The following CRACDL variants were observed in gnomAD, a reference collection of about 807,000 sequenced individuals.
CRACDL encodes the protein CRACD-like protein.
CRACDL carries 26 observed loss-of-function variants against 70.6 expected under a neutral mutation model. That is an observed-to-expected ratio of 0.37 (90% confidence interval 0.27 to 0.51). CRACDL has a LOEUF of 0.51. CRACDL is among the 20% of genes least tolerant of loss of function. The pLI is 0.94. For missense variants in CRACDL, 1,283 were observed against 1,376.9 expected (o/e 0.93, Z 1.08); for synonymous variants, 618 against 615.2 (o/e 1.00, Z -0.07).
intron 2 of CRACDL, among the ~76,000 whole-genome samples, chr2:98,843,753 G>C (rs1259028101): frequency 1.3e-5 from 2 of 152,110 alleles, no homozygotes; most frequent in Non-Finnish European, 2.9e-5. Context: ...ATACTGTCTT[G>C]ATTACTGCAG....
chr2:98,829,025 T>C (rs1169846257), intron 5 of CRACDL, among the ~76,000 whole-genome samples: 1 of 152,260 alleles, frequency 6.6e-6, no homozygotes, highest in Non-Finnish European at 1.5e-5. Context: ...TATAAACATT[T>C]GGTTAAAAAG....
intron 1 of CRACDL, among the ~76,000 whole-genome samples, chr2:98,906,260 CTTTT>C (rs200373942): frequency 2.9e-5 from 4 of 139,158 alleles, no homozygotes; most frequent in Admixed American, 7.2e-5. Flanking sequence ...TTTTCTTTTC[CTTTT>C]TTTTTTTTTT....
chr2:98,827,185 A>G lies in CRACDL; in HGVS notation c.541-16T>C. Reference sequence around the variant, plus strand: ...CGACAGAGACCTTCGTGGGACAAGGAACAAACACACGGAGCATGAACTTCA... The same window carrying G: ...CGACAGAGACCTTCGTGGGACAAGGGACAAACACACGGAGCATGAACTTCA... On this transcript the variant is annotated splice_polypyrimidine_tract_variant and intron_variant, in intron 5 of 9. Coordinates refer to ENST00000397899, the MANE Select transcript of CRACDL (RefSeq NM_207362.3). 6.3e-7 allele frequency: 1 copy of G among 1,595,966 alleles called. No individual in the cohort carries two copies. Among genetic ancestry groups the G allele is most frequent in the Non-Finnish European group, 8.6e-7 (1 of 1,164,226 alleles).
chr2:98,840,668 T>C (rs1348981674), intron 2 of CRACDL: 1 of 152,158 alleles, frequency 6.6e-6, no homozygotes, highest in Non-Finnish European at 1.5e-5. Context: ...ACTTTATTTG[T>C]TGGGGAGGTT....
chr2:98,797,276 A>G (rs1407921710), intron 8 of CRACDL, 74 bp downstream of exon 8: 10 of 1,428,398 alleles, frequency 7.0e-6, no homozygotes, highest in Admixed American at 1.8e-5. Flanking sequence ...TGTGGTCCTT[A>G]CAGGGTCCTC....
chr2:98,828,169 C>A (rs1292337880), intron 5 of CRACDL, among the ~76,000 whole-genome samples: 1 of 152,326 alleles, frequency 6.6e-6, no homozygotes, highest in East Asian at 1.9e-4. Flanking sequence ...AGCTCCACCA[C>A]TGAGTGAGGT....
chr2:98,892,713 AT>A (rs923123245), intron 1 of CRACDL, among the ~76,000 whole-genome samples: 13 of 152,022 alleles, frequency 8.6e-5, no homozygotes, highest in African/African-American at 2.9e-4. Flanking sequence ...ATAAAATAAA[AT>A]TTTTTTAAAA....
chr2:98,867,882 G>A (rs1707206611), intron 1 of CRACDL, among the ~76,000 whole-genome samples: 1 of 152,178 alleles, frequency 6.6e-6, no homozygotes, highest in Non-Finnish European at 1.5e-5. Flanking sequence ...CCAAAATACT[G>A]CTTCATTTAT....
rs151145199 is a variant in CRACDL at position 98,808,499 on chromosome 2, C to T, written c.2417-10962G>A. Among the ~76,000 whole-genome samples, 8 of 152,248 alleles carry T rather than the reference C, an allele frequency of 5.3e-5. No homozygotes were observed. In the South Asian group the frequency reaches 1.2e-3, roughly 24 times the overall value. ...TATGTTGTCCCCTTTCTGGGGACAACAGTGCCCAGCTGACCAGATGACCCA... is the reference window on the plus strand; with the variant it reads ...TATGTTGTCCCCTTTCTGGGGACAATAGTGCCCAGCTGACCAGATGACCCA... On this transcript the variant is annotated intron_variant, in intron 7 of 9. Transcript: ENST00000397899.
At chr2:98,908,000 C>T (rs1708455920) in intron 1 of CRACDL, among the ~76,000 whole-genome samples, 1 of 152,180 alleles carries the variant, frequency 6.6e-6, no homozygotes, top group African/African-American at 2.4e-5. Flanking sequence ...AGGAGTAAAA[C>T]GTGTACCTTC....
intron 1 of CRACDL, among the ~76,000 whole-genome samples, chr2:98,922,865 G>A (rs1461787246): frequency 6.6e-6 from 1 of 152,188 alleles, no homozygotes; most frequent in Admixed American, 6.5e-5. Flanking sequence ...GCTAGCCGAT[G>A]CTTAGGGTTA....
chr2:98,835,251 A>C (rs1705722277), intron 3 of CRACDL, among the ~76,000 whole-genome samples: 2 of 152,250 alleles, frequency 1.3e-5, no homozygotes, highest in Admixed American at 1.3e-4. Context: ...TCCTAGCTAT[A>C]TCCACTGGAA....
At chr2:98,899,723 G>A (rs1284020796) in intron 1 of CRACDL, among the ~76,000 whole-genome samples, 1 of 152,288 alleles carries the variant, frequency 6.6e-6, no homozygotes, top group Non-Finnish European at 1.5e-5. Flanking sequence ...GGCTGGCGCT[G>A]TTAAGAAGTA....
chr2:98,906,700 C>T (rs1165610209), intron 1 of CRACDL, among the ~76,000 whole-genome samples: 3 of 152,146 alleles, frequency 2.0e-5, no homozygotes, highest in Non-Finnish European at 2.9e-5. Context: ...TGGTATTTAT[C>T]GACCTTTTCT....
intron 2 of CRACDL, among the ~76,000 whole-genome samples, chr2:98,842,150 G>A (rs1317185817): frequency 1.3e-5 from 2 of 151,852 alleles, no homozygotes; most frequent in Non-Finnish European, 2.9e-5. Flanking sequence ...GCTCAAATGG[G>A]TATTACACCC....
At chr2:98,875,958 C>CTGCT (rs1707479610) in intron 1 of CRACDL, among the ~76,000 whole-genome samples, 1 of 152,180 alleles carries the variant, frequency 6.6e-6, no homozygotes, top group Non-Finnish European at 1.5e-5. Context: ...GCCTGCCGGC[C>CTGCT]TGCTTGCTTT....
chr2:98,913,628 C>T (rs1421954125), intron 1 of CRACDL, among the ~76,000 whole-genome samples: 2 of 152,120 alleles, frequency 1.3e-5, no homozygotes, highest in Admixed American at 6.5e-5. Flanking sequence ...CTTAGTCACT[C>T]AGGACCACAC....
intron 1 of CRACDL, among the ~76,000 whole-genome samples, chr2:98,891,150 G>A (rs1205311814): frequency 3.9e-5 from 6 of 151,970 alleles, no homozygotes; most frequent in African/African-American, 1.2e-4. Flanking sequence ...AGGCCAAGGT[G>A]GGCGGATCAC....
intron 1 of CRACDL, among the ~76,000 whole-genome samples, chr2:98,876,809 G>A (rs1404014396): frequency 1.1e-4 from 16 of 152,210 alleles, no homozygotes; most frequent in Admixed American, 9.8e-4. Flanking sequence ...AGCCTGTGAA[G>A]GACCAGGCTA....
Sources: gnomAD v4.1 joint callset for allele counts (sites outside exome capture counted in the v4.1 genomes callset) on GRCh38, gnomAD v4.1.1 for gene constraint, MANE v1.5 for transcripts, NCBI Gene and HGNC (gene_info 2026-07-23, HGNC 2026-07-21) for gene names.